MROH7: variants seen among roughly 807,000 people sequenced by gnomAD.
MROH7 encodes maestro heat-like repeat-containing protein family member 7.
A neutral mutation model predicts 129.2 loss-of-function variants in MROH7; 113 were observed. The ratio of observed to expected loss-of-function variants is 0.87; its 90% CI spans 0.75 to 1.02. The LOEUF is 1.02. Among genes scored for constraint, MROH7 ranks in the 50% least tolerant of loss-of-function variants. MROH7 has a pLI of 0.00. For synonymous variants in MROH7, 655 were observed against 667.9 expected, an observed-to-expected ratio of 0.98 and a Z score of 0.30; for missense variants, 1,601 against 1,671.3, an observed-to-expected ratio of 0.96 and a Z score of 0.73.
intron 1 of MROH7, among the ~76,000 whole-genome samples, chr1:54,643,031 G>A (rs1337767079): frequency 5.3e-5 from 8 of 152,236 alleles, no homozygotes; most frequent in African/African-American, 1.7e-4. Context: ...CTCCGTGAAT[G>A]TTTTCTGAAC....
chr1:54,709,897 A>C, intron 23 of MROH7, 49 bp from the exon 24 acceptor site: 1 of 1,586,944 alleles, frequency 6.3e-7, no homozygotes, highest in South Asian at 1.1e-5. Flanking sequence ...TGAGACCCAC[A>C]TAGGGCCCTG....
At chr1:54,678,988 T>C in intron 11 of MROH7, 134 bp downstream of exon 11, 1 of 736,310 alleles carries the variant, frequency 1.4e-6, no homozygotes, top group Non-Finnish European at 2.3e-6. Flanking sequence ...ACGCCTGTCC[T>C]GAGTGCCCTC....
At position 54,653,561 on chromosome 1, in the gene MROH7, T is replaced by G. The variant is rs752654128; in HGVS notation, c.635T>G (p.Leu212Arg). 1.2e-6 allele frequency: 2 copies of G among 1,614,078 alleles called. No individual in the cohort carries two copies. The highest frequency in any genetic ancestry group is 2.7e-5 in the African/African-American group (2 of 74,930). ...LIPTSNSSLDLDSNPLLNMGS... is the reference protein window; with the variant it reads ...LIPTSNSSLDRDSNPLLNMGS... ...CCAACCTCAAACTCTTCTCTGGACC[T>G]TGACTCCAATCCATTGCTCAACATG... Residue 212 changes from leucine to arginine, a missense_variant, in exon 3 of 24, where the codon CTT becomes CGT. By Grantham distance (102) the Leu-to-Arg change is moderately radical. Transcript: ENST00000421030.
At chr1:54,658,204 C>G (rs1557695196) in intron 3 of MROH7, among the ~76,000 whole-genome samples, 2 of 152,200 alleles carry the variant, frequency 1.3e-5, no homozygotes, top group Non-Finnish European at 2.9e-5. Flanking sequence ...ATGTGGATAT[C>G]CAGTTTTTCT....
intron 15 of MROH7, among the ~76,000 whole-genome samples, chr1:54,691,803 A>AGTGTGT (rs373106798): frequency 0.011 from 1,131 of 104,166 alleles, 18 homozygotes; most frequent in East Asian, 0.036. Context: ...AAAAAAAAAA[A>AGTGTGT]GTGTGTGTGT....
chr1:54,668,784 A>G, intron 4 of MROH7, 70 bp from the exon 5 acceptor site: 1 of 1,235,740 alleles, frequency 8.1e-7, no homozygotes, highest in East Asian at 2.3e-5. Context: ...ACAGTGCTGT[A>G]TGGGCAACCC....
intron 16 of MROH7, among the ~76,000 whole-genome samples, chr1:54,693,359 A>G (rs1265551883): frequency 1.3e-5 from 2 of 152,162 alleles, no homozygotes; most frequent in Non-Finnish European, 2.9e-5. Context: ...CTGAGGCATG[A>G]GAATTGCTTG....
At chr1:54,654,680 G>GA (rs71045201) in intron 3 of MROH7, among the ~76,000 whole-genome samples, 58,065 of 150,846 alleles carry the variant, frequency 0.38, 11,362 homozygotes, top group South Asian at 0.56. Flanking sequence ...TCTCAAAAAA[G>GA]AAAAAAAAAT....
intron 1 of MROH7, among the ~76,000 whole-genome samples, chr1:54,642,508 A>G (rs1644403650): frequency 6.6e-6 from 1 of 152,360 alleles, no homozygotes; most frequent in East Asian, 1.9e-4. Context: ...GGTTCCACTG[A>G]GTAATTCATG....
At position 54,678,787 on chromosome 1, in the gene MROH7, G is replaced by A. The variant is rs1335103228; in HGVS notation, c.1982G>A (p.Ser661Asn). The change falls in exon 11 of 24, where the codon AGC (serine) becomes AAC (asparagine). Residue 661 changes from serine (S) to asparagine (N), a missense_variant. Ser to Asn is a conservative substitution (Grantham distance 46). Transcript: ENST00000421030. ...ACCAACAAAAAGGAGCTATATGAGAGCAACAAGCATTTCCTGGGGCCCTAC... is the reference window on the plus strand; with the variant it reads ...ACCAACAAAAAGGAGCTATATGAGAACAACAAGCATTTCCTGGGGCCCTAC... ...EETNKKELYESNKHFLGPYNP... is the reference protein window; with the variant it reads ...EETNKKELYENNKHFLGPYNP... The A allele has an allele frequency of 1.1e-5, 17 of 1,613,980 alleles. No individual in the cohort carries two copies. Among genetic ancestry groups the A allele is most frequent in the Non-Finnish European group, 1.4e-5 (16 of 1,180,004 alleles).
chr1:54,681,818 T>C (rs1293346090), intron 13 of MROH7, among the ~76,000 whole-genome samples: 1 of 152,180 alleles, frequency 6.6e-6, no homozygotes, highest in Non-Finnish European at 1.5e-5. Context: ...CCACTCTTGC[T>C]CCTTGGTTAG....
At chr1:54,675,883 G>A (rs921906403) in intron 10 of MROH7, among the ~76,000 whole-genome samples, 5 of 151,780 alleles carry the variant, frequency 3.3e-5, no homozygotes, top group Non-Finnish European at 5.9e-5. Context: ...TGATCCGCTC[G>A]CCTTGACCTC....
In MROH7 at chr1:54,682,444, A is replaced by G. The variant is rs185841383; in HGVS notation, c.2382-212A>G. 9.5e-4 allele frequency among the ~76,000 whole-genome samples: 144 copies of G among 152,274 alleles called. 4 individuals carry two copies. In the East Asian group the frequency reaches 0.017, roughly 18 times the overall value. ...TGGCCTCCCAAAGTGCTGGGATTAC[A>G]GGTGTGAGCCACCATGCCCACCAAG... On this transcript the variant is annotated intron_variant, in intron 13 of 23. Transcript: ENST00000421030.
At chr1:54,671,710 G>A (rs1016610538) in intron 7 of MROH7, among the ~76,000 whole-genome samples, 19 of 152,184 alleles carry the variant, frequency 1.2e-4, no homozygotes, top group African/African-American at 1.9e-4. Context: ...GGGTTTTAGC[G>A]CAGGGTGCAG....
Position 54,703,223 on chromosome 1 carries a change from T to TC in MROH7, c.3564+481dup, listed in dbSNP as rs1199796496. The stretch of plus-strand genomic sequence containing the variant: ...TATTGGCCCAGCCACCCAAGGGGTC[T>TC]CCCAGCCTTTAACTCCATCCCCTCC... On this transcript the variant is annotated intron_variant, in intron 21 of 23. Transcript: ENST00000421030. This position sits in a 1 kb window ranked among gnomAD's most constrained non-coding sequence, Gnocchi z 4.4. Among the ~76,000 whole-genome samples, 2 of 152,096 alleles carry TC rather than the reference T, an allele frequency of 1.3e-5. No homozygotes were observed. The highest frequency in any genetic ancestry group is 4.8e-5 in the African/African-American group (2 of 41,394).
chr1:54,654,746 C>T lies in MROH7; in HGVS notation c.1231+589C>T, dbSNP rs574980341. On this transcript the variant is annotated intron_variant, in intron 3 of 23. Transcript: ENST00000421030. ...TATGTCTATTGTATCAACAAACTAT[C>T]CCTTCCATTCAAAATGTACATCTTT... Among the ~76,000 whole-genome samples the T allele has an allele frequency of 7.9e-4, 121 of 152,264 alleles. 1 individual carries two copies. The highest frequency in any genetic ancestry group is 2.9e-3 in the African/African-American group (120 of 41,556).
chr1:54,708,862 C>T (rs1000011373), intron 22 of MROH7, 152 bp from the exon 23 acceptor site: 1 of 680,608 alleles, frequency 1.5e-6, no homozygotes, highest in African/African-American at 1.8e-5. Context: ...CTTGGGGAAT[C>T]TGTCCCAGGG....
rs570218 is a variant in MROH7 at position 54,674,068 on chromosome 1, A to T, written c.1853A>T (p.His618Leu). 1 of 1,614,016 alleles carries T rather than the reference A, an allele frequency of 6.2e-7. No homozygotes were observed. Among genetic ancestry groups the T allele is most frequent in the Non-Finnish European group, 8.5e-7 (1 of 1,179,978 alleles). The change falls in exon 10 of 24, where the codon CAC becomes CTC. Residue 618 changes from histidine (H) to leucine (L), a missense_variant. Physicochemically the swap from His to Leu is moderately conservative, Grantham distance 99. Coordinates refer to ENST00000421030, the MANE Select transcript of MROH7 (RefSeq NM_001039464.4). Reference sequence around the variant, plus strand: ...CTTCTGCTGGGGAGACTCATCCTTCACATTGGGGATCCTGATGAGGAGATT... The same window carrying T: ...CTTCTGCTGGGGAGACTCATCCTTCTCATTGGGGATCCTGATGAGGAGATT... ...LGLLLGRLILHIGDPDEEIGC... is the reference protein window; with the variant it reads ...LGLLLGRLILLIGDPDEEIGC...
intron 15 of MROH7, 71 bp from the exon 16 acceptor site, chr1:54,692,353 C>A: frequency 6.3e-7 from 1 of 1,582,760 alleles, no homozygotes; most frequent in Non-Finnish European, 8.6e-7. Context: ...GCAGGAGAGG[C>A]CGGGGTGGAG....
Sources: allele counts gnomAD v4.1 joint callset (sites outside exome capture counted in the v4.1 genomes callset), GRCh38; gene constraint gnomAD v4.1.1; non-coding constraint Gnocchi (gnomAD v3.1); transcripts MANE v1.5; gene names NCBI Gene and HGNC (gene_info 2026-07-23, HGNC 2026-07-21).